The following FRMPD4 variants were observed in gnomAD, a reference collection of about 807,000 sequenced individuals.
FRMPD4 encodes FERM and PDZ domain containing 4, also known as FERM and PDZ domain-containing protein 4.
Under a neutral mutation model 94.1 loss-of-function variants are expected in FRMPD4, and 22 were observed. That is an observed-to-expected ratio of 0.23 (90% CI 0.17 to 0.33). FRMPD4 has a LOEUF of 0.33. FRMPD4 is among the 10% of genes least tolerant of loss of function. The pLI, the probability that FRMPD4 is intolerant of heterozygous loss-of-function variation, is 1.00. For synonymous variants in FRMPD4, 631 were observed against 548.6 expected, an observed-to-expected ratio of 1.15 and a Z score of -2.10; for missense variants, 1,111 against 1,339.9, an observed-to-expected ratio of 0.83 and a Z score of 2.67.
chrX:11,837,607 C>G (rs991716561), intron 1 of FRMPD4, among the ~76,000 whole-genome samples: 3 of 111,548 alleles, frequency 2.7e-5, no homozygotes, highest in African/African-American at 9.8e-5. Context: ...TTAGAGCTCA[C>G]CCAGTGTGTC....
intron 14 of FRMPD4, among the ~76,000 whole-genome samples, chrX:12,714,766 C>T (rs58142354): frequency 0.025 from 2,745 of 111,606 alleles, 97 homozygotes; most frequent in African/African-American, 0.085. Context: ...ACACACTTCC[C>T]CCCACACGCA....
Position 12,342,343 on chromosome X carries a change from G to T in FRMPD4, c.42-156337G>T, listed in dbSNP as rs143906723. Among the ~76,000 whole-genome samples the T allele has an allele frequency of 6.1e-3, 687 of 111,801 alleles. 5 individuals are homozygous for T. The highest frequency in any genetic ancestry group is 0.021 in the African/African-American group (660 of 30,779). On this transcript the variant is annotated intron_variant, in intron 1 of 16. Transcript: ENST00000675598. ...CTCTGTACACATAGTGTACATAGTT[G>T]GGCAATCAAGACCCTATAAAAAAAG...
intron 4 of FRMPD4, among the ~76,000 whole-genome samples, chrX:12,633,576 T>C (rs1223373762): frequency 8.9e-6 from 1 of 112,386 alleles, no homozygotes; most frequent in Non-Finnish European, 1.9e-5. Flanking sequence ...TAGAGATACA[T>C]TATTTAGAAA....
intron 3 of FRMPD4, among the ~76,000 whole-genome samples, chrX:11,952,811 C>T (rs2054232166): frequency 8.9e-6 from 1 of 111,791 alleles, no homozygotes; most frequent in South Asian, 3.8e-4. Flanking sequence ...ATGAATAGAA[C>T]AGTGCCAGTC....
intron 1 of FRMPD4, among the ~76,000 whole-genome samples, chrX:12,481,757 T>G (rs766075812): frequency 9.4e-6 from 1 of 105,927 alleles, no homozygotes; most frequent in Non-Finnish European, 1.9e-5. Context: ...CTGGCTAACA[T>G]GGTGAAACCC....
intron 1 of FRMPD4, among the ~76,000 whole-genome samples, chrX:12,429,566 G>A (rs1303926854): frequency 9.0e-6 from 1 of 111,552 alleles, no homozygotes; most frequent in East Asian, 2.8e-4. Context: ...CATTCTTTCT[G>A]TAGTTGGGGG....
intron 1 of FRMPD4, among the ~76,000 whole-genome samples, chrX:12,143,532 A>C (rs6640910): frequency 0.22 from 24,590 of 111,062 alleles, 2,742 homozygotes; most frequent in East Asian, 0.82. Flanking sequence ...TTACAGAAAA[A>C]GTTAACTGAC....
chrX:12,093,142 G>A (rs895836019), intron 3 of FRMPD4, among the ~76,000 whole-genome samples: 5 of 111,289 alleles, frequency 4.5e-5, no homozygotes, highest in African/African-American at 1.6e-4. Context: ...GGTAAGTGGG[G>A]AACTGCCCAG....
chrX:12,051,417 G>A (rs975201937), intron 3 of FRMPD4, among the ~76,000 whole-genome samples: 1 of 111,643 alleles, frequency 9.0e-6, no homozygotes, highest in African/African-American at 3.2e-5. Flanking sequence ...GTGGGGAAAT[G>A]TGGGCATTTC....
At chrX:12,078,572 G>C (rs968073441) in intron 3 of FRMPD4, among the ~76,000 whole-genome samples, 1 of 111,958 alleles carries the variant, frequency 8.9e-6, no homozygotes, top group African/African-American at 3.2e-5. Context: ...AATTGTAAAG[G>C]TATCTGATTT....
At chrX:12,463,682 T>TGTTTTG (rs60848578) in intron 1 of FRMPD4, among the ~76,000 whole-genome samples, 1 of 31,509 alleles carries the variant, frequency 3.2e-5, no homozygotes, top group East Asian at 1.2e-3. Flanking sequence ...TATGTGTGTG[T>TGTTTTG]TTTTTTTTTG....
chrX:12,431,661 T>C (rs2057011335), intron 1 of FRMPD4, among the ~76,000 whole-genome samples: 1 of 112,101 alleles, frequency 8.9e-6, no homozygotes, highest in South Asian at 3.8e-4. Flanking sequence ...CCTCACTCAG[T>C]GCTTCCTGTG....
chrX:12,334,792 C>T (rs181809829), intron 1 of FRMPD4, among the ~76,000 whole-genome samples: 3 of 111,481 alleles, frequency 2.7e-5, no homozygotes, highest in African/African-American at 9.8e-5. Context: ...CCAAGGAGCT[C>T]ACAGGCTGCA....
intron 1 of FRMPD4, among the ~76,000 whole-genome samples, chrX:12,190,285 G>C (rs1007979089): frequency 1.8e-4 from 20 of 111,331 alleles, no homozygotes; most frequent in African/African-American, 5.8e-4. Flanking sequence ...AGTTCTTTCA[G>C]ATTTAATCTA....
intron 1 of FRMPD4, among the ~76,000 whole-genome samples, chrX:12,372,084 A>G (rs1195411686): frequency 8.9e-6 from 1 of 112,530 alleles, no homozygotes; most frequent in Non-Finnish European, 1.9e-5. Context: ...AGATACTTCC[A>G]GGAAACCAGC....
intron 3 of FRMPD4, among the ~76,000 whole-genome samples, chrX:11,960,598 T>C (rs1000713950): frequency 9.8e-5 from 11 of 112,583 alleles, no homozygotes; most frequent in African/African-American, 3.2e-4. Flanking sequence ...AAGATATATG[T>C]GCCATATCTC....
intron 1 of FRMPD4, among the ~76,000 whole-genome samples, chrX:11,853,455 TA>T (rs1207952874): frequency 7.3e-5 from 8 of 110,179 alleles, no homozygotes; most frequent in Non-Finnish European, 1.5e-4. Flanking sequence ...GCCATTTTTT[TA>T]AAAAAAATTA....
chrX:12,041,280 G>T (rs2147443007), intron 3 of FRMPD4, among the ~76,000 whole-genome samples: 1 of 111,949 alleles, frequency 8.9e-6, no homozygotes, highest in South Asian at 3.7e-4. Context: ...TTCTTCCTAT[G>T]AATTTGACTT....
intron 3 of FRMPD4, among the ~76,000 whole-genome samples, chrX:11,976,570 G>T (rs773211049): frequency 7.1e-5 from 8 of 112,107 alleles, no homozygotes; most frequent in Non-Finnish European, 1.1e-4. Context: ...GCATCAATCT[G>T]GTTGACCCTT....
Sources: gnomAD v4.1 joint callset for allele counts (sites outside exome capture counted in the v4.1 genomes callset) on GRCh38, gnomAD v4.1.1 for gene constraint, MANE v1.5 for transcripts, NCBI Gene and HGNC (gene_info 2026-07-23, HGNC 2026-07-21) for gene names.